The following FMOD variants were observed in gnomAD, a reference collection of about 807,000 sequenced individuals.
The protein encoded by FMOD is fibromodulin, also known as KSPG fibromodulin.
Under a neutral mutation model 27.0 loss-of-function variants are expected in FMOD, and 15 were observed. The observed-to-expected ratio is 0.55, with a 90% CI of 0.37 to 0.85. The LOEUF is 0.85. Ranked by LOEUF, FMOD falls within the 40% of genes least tolerant of loss-of-function variation. FMOD has a pLI of 0.00. For synonymous variants in FMOD, 210 were observed against 214.0 expected (o/e 0.98, Z 0.16); for missense variants, 460 against 483.2 (o/e 0.95, Z 0.45).
chr1:203,342,897 G>A (rs1461178695), intron 2 of FMOD, among the ~76,000 whole-genome samples: 1 of 152,134 alleles, frequency 6.6e-6, no homozygotes, highest in East Asian at 1.9e-4. Flanking sequence ...TTTTGGAGAG[G>A]GAGGGCTTTG....
Position 203,346,637 on chromosome 1 carries a change from G to A in FMOD, c.979+655C>T, listed in dbSNP as rs115902891. Among the ~76,000 whole-genome samples the A allele has an allele frequency of 5.3e-4, 80 of 152,104 alleles. No homozygotes were observed. The Middle Eastern group carries it at 0.017, about 32-fold the overall frequency. On this transcript the variant is annotated intron_variant, in intron 2 of 2. Transcript: ENST00000354955. ...CCAGGGGGTCCTTGTACTCCAGGAAGAACTGACCAGAACAAGTGCCGCATT... is the reference window on the plus strand; with the variant it reads ...CCAGGGGGTCCTTGTACTCCAGGAAAAACTGACCAGAACAAGTGCCGCATT...
intron 2 of FMOD, among the ~76,000 whole-genome samples, chr1:203,345,759 G>A (rs58789157): frequency 0.01 from 1,527 of 152,150 alleles, 29 homozygotes; most frequent in African/African-American, 0.035. Flanking sequence ...TTGGCCGAGC[G>A]TGGTGGCAGG....
Position 203,347,969 on chromosome 1 carries a change from G to A in FMOD, c.302C>T (p.Pro101Leu), listed in dbSNP as rs773346947. Residue 101 changes from proline (P) to leucine (L), a missense_variant, in exon 2 of 3, where the codon CCC becomes CTC. Physicochemically the swap from Pro to Leu is moderately conservative, Grantham distance 98 (BLOSUM62 -3). Coordinates refer to ENST00000354955, the MANE Select transcript of FMOD (RefSeq NM_002023.5). ...YCDNRNLKYL[P>L]FVPSRMKYVY... Reference sequence around the variant, plus strand: ...ATACTTCATGCGGGAGGGAACGAAGGGCAGGTACTTGAGGTTGCGATTGTC... The same window carrying A: ...ATACTTCATGCGGGAGGGAACGAAGAGCAGGTACTTGAGGTTGCGATTGTC... 17 of 1,605,522 alleles carry A rather than the reference G, an allele frequency of 1.1e-5. No individual in the cohort carries two copies. Among genetic ancestry groups the A allele is most frequent in the East Asian group, 2.2e-5 (1 of 44,700 alleles).
In FMOD at chr1:203,348,066, A is replaced by G. The variant is rs751333729; in HGVS notation, c.205T>C (p.Ser69Pro). The part of the protein sequence containing the change: ...EGPAYTYGSP[S>P]PPDPRDCPQE... ...GGGCAGTCGCGGGGATCTGGAGGGG[A>G]TGGAGAGCCGTAGGTGTAGGCTGGC... Residue 69 changes from serine to proline, a missense_variant, in exon 2 of 3, where the codon TCC (serine) becomes CCC (proline). Transcript: ENST00000354955. The G allele has an allele frequency of 6.2e-7, 1 of 1,613,716 alleles. No individual in the cohort carries two copies. The highest frequency in any genetic ancestry group is 8.5e-7 in the Non-Finnish European group (1 of 1,179,848).
rs1406397342 is a variant in FMOD, at chr1:203,342,170, G to A, written c.*173C>T. ...CTTCTGCCTATGTCCTCAGCAGAAG[G>A]CTGCCTGTCCCTGATCGCCCCCCCT... On this transcript the variant is annotated 3_prime_UTR_variant, in exon 3 of 3. Transcript: ENST00000354955. 19 of 675,810 alleles carry A rather than the reference G, an allele frequency of 2.8e-5. No individual in the cohort carries two copies. The highest frequency in any genetic ancestry group is 4.3e-4 in the Middle Eastern group (1 of 2,344). The allele number at this position is 675,810 out of a possible 1,614,324, so 41.9% of individuals were successfully genotyped here.
At position 203,342,505 on chromosome 1, in the gene FMOD, A is replaced by G. The variant is rs762063968; in HGVS notation, c.980-11T>C. 3.7e-6 allele frequency: 6 copies of G among 1,612,268 alleles called. No individual in the cohort carries two copies. In the Admixed American group the frequency reaches 8.3e-5, roughly 22 times the overall value. On this transcript the variant is annotated splice_polypyrimidine_tract_variant and intron_variant, in intron 2 of 2. Transcript: ENST00000354955. ...TGCTGATGGAGAACTCTGTGGGGACAAGAGGAGCACGGGTCAGGGAGAGAA... is the reference window on the plus strand; with the variant it reads ...TGCTGATGGAGAACTCTGTGGGGACGAGAGGAGCACGGGTCAGGGAGAGAA...
chr1:203,351,010 C>T (rs550228561), intron 1 of FMOD, 23 bp downstream of exon 1: 2 of 152,320 alleles, frequency 1.3e-5, no homozygotes, highest in South Asian at 2.1e-4. Flanking sequence ...GGGACAAACC[C>T]GAAGTAAAAC....
intron 2 of FMOD, among the ~76,000 whole-genome samples, chr1:203,344,402 C>G (rs369449064): frequency 1.3e-5 from 2 of 152,156 alleles, no homozygotes; most frequent in East Asian, 1.9e-4. Context: ...AGCACCCCCC[C>G]GTCTTCCCCA....
intron 2 of FMOD, among the ~76,000 whole-genome samples, chr1:203,346,524 G>A (rs1658891094): frequency 1.3e-5 from 2 of 150,016 alleles, no homozygotes; most frequent in African/African-American, 4.9e-5. Context: ...GGCATTGCAA[G>A]GAAGTGCTTA....
chr1:203,350,967 C>G (rs1571521836), intron 1 of FMOD, 66 bp downstream of exon 1: 1 of 152,364 alleles, frequency 6.6e-6, no homozygotes, highest in Middle Eastern at 3.4e-3. Flanking sequence ...TATCCCCTAC[C>G]ACTTTTCCTT....
intron 2 of FMOD, among the ~76,000 whole-genome samples, chr1:203,345,365 C>G (rs112609349): frequency 6.6e-6 from 1 of 152,170 alleles, no homozygotes; most frequent in African/African-American, 2.4e-5. Context: ...TGTGATGAAG[C>G]CTTTTCCATC....
chr1:203,348,516 G>A (rs1658937205), intron 1 of FMOD, among the ~76,000 whole-genome samples: 1 of 152,184 alleles, frequency 6.6e-6, no homozygotes, highest in Non-Finnish European at 1.5e-5. Flanking sequence ...CCTGGTCATA[G>A]AGTCACAGAC....
chr1:203,348,586 C>T (rs1290913164), intron 1 of FMOD, among the ~76,000 whole-genome samples: 1 of 152,012 alleles, frequency 6.6e-6, no homozygotes, highest in Admixed American at 6.5e-5. Context: ...TTCTTAGGAG[C>T]CTCTAGCACT....
chr1:203,344,209 A>G (rs546315765), intron 2 of FMOD, among the ~76,000 whole-genome samples: 3 of 152,288 alleles, frequency 2.0e-5, no homozygotes, highest in African/African-American at 7.2e-5. Context: ...CAGCTTAAGT[A>G]TCATTTCCAG....
chr1:203,345,441 G>C (rs1484958129), intron 2 of FMOD, among the ~76,000 whole-genome samples: 1 of 152,212 alleles, frequency 6.6e-6, no homozygotes, highest in East Asian at 1.9e-4. Flanking sequence ...GTTCTTTGCT[G>C]TCACAGTTTC....
At chr1:203,343,425 A>G (rs1658830474) in intron 2 of FMOD, among the ~76,000 whole-genome samples, 1 of 152,202 alleles carries the variant, frequency 6.6e-6, no homozygotes, top group Admixed American at 6.5e-5. Context: ...ACTTCAGGAG[A>G]GATGGCAAAA....
At chr1:203,346,146 A>G (rs1317530525) in intron 2 of FMOD, among the ~76,000 whole-genome samples, 3 of 152,016 alleles carry the variant, frequency 2.0e-5, no homozygotes, top group Non-Finnish European at 1.5e-5. Flanking sequence ...CATCTTGCTC[A>G]ATGACTGATC....
chr1:203,342,520 C>G (rs374518065), intron 2 of FMOD, 26 bp from the exon 3 acceptor site: 139 of 1,601,274 alleles, frequency 8.7e-5, no homozygotes, highest in Non-Finnish European at 1.1e-4. Flanking sequence ...GAGCACGGGT[C>G]AGGGAGAGAA....
Position 203,342,268 on chromosome 1 carries a change from C to T in FMOD, c.*75G>A. ...TGTCACATGGTCCATCCTGGACCTT[C>T]CAGCAAAAGCCAAACCAAACCATCA... On this transcript the variant is annotated 3_prime_UTR_variant, in exon 3 of 3. Coordinates refer to ENST00000354955, the MANE Select transcript of FMOD (RefSeq NM_002023.5). 2 of 1,544,358 alleles carry T rather than the reference C, an allele frequency of 1.3e-6. No individual in the cohort carries two copies. Among genetic ancestry groups the T allele is most frequent in the Non-Finnish European group, 1.8e-6 (2 of 1,139,970 alleles).
Sources: gnomAD v4.1 joint callset for allele counts (sites outside exome capture counted in the v4.1 genomes callset) on GRCh38, gnomAD v4.1.1 for gene constraint, MANE v1.5 for transcripts, NCBI Gene and HGNC (gene_info 2026-07-23, HGNC 2026-07-21) for gene names.